Variants in ST6GALNAC3 observed in about 807,000 individuals in gnomAD.
ST6GALNAC3 encodes the protein ST6 N-acetylgalactosaminide alpha-2,6-sialyltransferase 3.
A neutral mutation model predicts 32.7 loss-of-function variants in ST6GALNAC3; 25 were observed. The observed-to-expected ratio is 0.76, with a 90% CI of 0.56 to 1.07. ST6GALNAC3 has a LOEUF of 1.07. Among genes scored for constraint, ST6GALNAC3 ranks in the 50% least tolerant of loss-of-function variants. The pLI is 0.00. For missense variants in ST6GALNAC3, 355 were observed against 382.4 expected, an observed-to-expected ratio of 0.93 and a Z score of 0.60; for synonymous variants, 129 against 133.1, an observed-to-expected ratio of 0.97 and a Z score of 0.21.
intron 1 of ST6GALNAC3, among the ~76,000 whole-genome samples, chr1:76,209,167 G>A (rs1654998894): frequency 6.6e-6 from 1 of 152,134 alleles, no homozygotes; most frequent in Admixed American, 6.5e-5. Flanking sequence ...TTGCTAAGTT[G>A]CATTGTCTTC....
At chr1:76,628,509 GTA>G (rs1557639792) in intron 4 of ST6GALNAC3, 109 bp from the exon 5 acceptor site, 1 of 1,000,172 alleles carries the variant, frequency 1.0e-6, no homozygotes, top group Non-Finnish European at 1.4e-6. Flanking sequence ...CAAGAATCAT[GTA>G]TGGGTTTGTG....
At chr1:76,338,901 C>T (rs1322869210) in intron 2 of ST6GALNAC3, among the ~76,000 whole-genome samples, 1 of 152,162 alleles carries the variant, frequency 6.6e-6, no homozygotes, top group Admixed American at 6.5e-5. Flanking sequence ...AAGATATCCA[C>T]CCAGGATGGA....
At position 76,629,520 on chromosome 1, in the gene ST6GALNAC3, T is replaced by G; in HGVS notation, c.*714T>G. The G allele has an allele frequency of 1.0e-6, 1 of 984,994 alleles. No individual in the cohort carries two copies. The highest frequency in any genetic ancestry group is 1.2e-6 in the Non-Finnish European group (1 of 829,218). 61.0% of individuals were successfully genotyped at this position (984,994 alleles called of 1,614,324 possible). ...TACCATCCATTCTTACTACCAACAG[T>G]ATAACTGAACATGTGATTAGAATGA... On this transcript the variant is annotated 3_prime_UTR_variant, in exon 5 of 5. Coordinates refer to ENST00000328299, the MANE Select transcript of ST6GALNAC3 (RefSeq NM_152996.4).
At chr1:76,079,986 A>G (rs1490160002) in intron 1 of ST6GALNAC3, among the ~76,000 whole-genome samples, 1 of 152,194 alleles carries the variant, frequency 6.6e-6, no homozygotes, top group Non-Finnish European at 1.5e-5. Flanking sequence ...TTCTTTGACT[A>G]TCAAATGTTA....
intron 1 of ST6GALNAC3, among the ~76,000 whole-genome samples, chr1:76,202,960 CT>C (rs1654616323): frequency 1.3e-5 from 2 of 152,080 alleles, no homozygotes; most frequent in Non-Finnish European, 2.9e-5. Context: ...AGTATGTCAC[CT>C]TTAACATATA....
chr1:76,358,384 A>G (rs936866874), intron 2 of ST6GALNAC3, among the ~76,000 whole-genome samples: 2 of 152,206 alleles, frequency 1.3e-5, no homozygotes, highest in Non-Finnish European at 2.9e-5. Flanking sequence ...TCTAATTTTA[A>G]TGAATGACTT....
intron 1 of ST6GALNAC3, among the ~76,000 whole-genome samples, chr1:76,104,942 C>T (rs1343815016): frequency 6.6e-6 from 1 of 152,098 alleles, no homozygotes; most frequent in African/African-American, 2.4e-5. Context: ...CGGGAAAGAC[C>T]TACCTCCATG....
At chr1:76,127,440 T>C (rs1649326328) in intron 1 of ST6GALNAC3, among the ~76,000 whole-genome samples, 1 of 152,226 alleles carries the variant, frequency 6.6e-6, no homozygotes, top group African/African-American at 2.4e-5. Context: ...GTAGACTTAA[T>C]TGCAAATTTG....
chr1:76,342,843 A>G (rs768837091), intron 2 of ST6GALNAC3, among the ~76,000 whole-genome samples: 1 of 151,444 alleles, frequency 6.6e-6, no homozygotes, highest in Admixed American at 6.6e-5. Flanking sequence ...AGCTTTTTTC[A>G]TATATTTGTT....
At chr1:76,606,765 G>T (rs1306419180) in intron 3 of ST6GALNAC3, among the ~76,000 whole-genome samples, 1 of 150,644 alleles carries the variant, frequency 6.6e-6, no homozygotes, top group African/African-American at 2.4e-5. Flanking sequence ...AAGAAAAGGA[G>T]GTCCTTCTAG....
chr1:76,210,419 G>T (rs1033964424), intron 1 of ST6GALNAC3, among the ~76,000 whole-genome samples: 4 of 152,126 alleles, frequency 2.6e-5, no homozygotes, highest in African/African-American at 4.8e-5. Flanking sequence ...GTTGCCTTTT[G>T]TTCTAAATCT....
chr1:76,601,071 G>T (rs1037495153), intron 3 of ST6GALNAC3, among the ~76,000 whole-genome samples: 1 of 152,062 alleles, frequency 6.6e-6, no homozygotes, highest in African/African-American at 2.4e-5. Context: ...GGTGGTGCTT[G>T]CCTGTAGTCC....
At chr1:76,081,915 G>T (rs943107401) in intron 1 of ST6GALNAC3, among the ~76,000 whole-genome samples, 2 of 152,226 alleles carry the variant, frequency 1.3e-5, no homozygotes, top group Non-Finnish European at 2.9e-5. Flanking sequence ...GCTTGTGAAT[G>T]CACTTTGCAA....
chr1:76,450,135 C>A (rs911724276), intron 3 of ST6GALNAC3, among the ~76,000 whole-genome samples: 3 of 152,106 alleles, frequency 2.0e-5, no homozygotes, highest in Non-Finnish European at 2.9e-5. Flanking sequence ...ACTTTTAGTT[C>A]TTTAAGGGAT....
intron 3 of ST6GALNAC3, among the ~76,000 whole-genome samples, chr1:76,488,235 C>T (rs532526404): frequency 6.6e-6 from 1 of 152,282 alleles, no homozygotes; most frequent in African/African-American, 2.4e-5. Flanking sequence ...GCCAAGTTCA[C>T]ATGAGATCTG....
intron 3 of ST6GALNAC3, among the ~76,000 whole-genome samples, chr1:76,435,081 G>A (rs1571219410): frequency 6.6e-6 from 1 of 151,952 alleles, no homozygotes; most frequent in Admixed American, 6.6e-5. Flanking sequence ...CTGAGCCACC[G>A]TGCCTGGCCA....
At chr1:76,233,268 T>C (rs1656471049) in intron 1 of ST6GALNAC3, among the ~76,000 whole-genome samples, 1 of 152,206 alleles carries the variant, frequency 6.6e-6, no homozygotes, top group African/African-American at 2.4e-5. Flanking sequence ...AGAGTTATAA[T>C]GAAGACCTGC....
At position 76,436,040 on chromosome 1, in the gene ST6GALNAC3, T is replaced by C. The variant is rs562731390; in HGVS notation, c.623+23623T>C. Reference sequence around the variant, plus strand: ...TCCCTTCCCACCCTTTCCCCCAGAGTTGCTTCACCCTTTTCTAAAACTCTT... The same window carrying C: ...TCCCTTCCCACCCTTTCCCCCAGAGCTGCTTCACCCTTTTCTAAAACTCTT... On this transcript the variant is annotated intron_variant, in intron 3 of 4. Coordinates refer to ENST00000328299, the MANE Select transcript of ST6GALNAC3 (RefSeq NM_152996.4). 3.9e-5 allele frequency among the ~76,000 whole-genome samples: 6 copies of C among 152,150 alleles called. No individual in the cohort carries two copies. The South Asian group carries it at 1.2e-3, about 32-fold the overall frequency.
chr1:76,174,641 T>C lies in ST6GALNAC3; in HGVS notation c.18+99757T>C, dbSNP rs569530782. Among the ~76,000 whole-genome samples, 3 of 149,612 alleles carry C rather than the reference T, an allele frequency of 2.0e-5. No individual in the cohort carries two copies. The East Asian group carries it at 6.0e-4, about 30-fold the overall frequency. ...TTTTTTCCATGTCAATAAATATATT[T>C]CTTCTCTTTTCTTTTTCTTTTCTTT... On this transcript the variant is annotated intron_variant, in intron 1 of 4. Transcript: ENST00000328299.
Sources: allele counts gnomAD v4.1 joint callset (sites outside exome capture counted in the v4.1 genomes callset), GRCh38; gene constraint gnomAD v4.1.1; transcripts MANE v1.5; gene names NCBI Gene and HGNC (gene_info 2026-07-23, HGNC 2026-07-21).